The following AP2B1 variants were observed in gnomAD, a reference collection of about 807,000 sequenced individuals.
AP2B1 encodes AP-2 complex subunit beta.
In AP2B1, 23 loss-of-function variants were observed where a neutral mutation model predicts 102.0. The ratio of observed to expected loss-of-function variants is 0.23; its 90% CI spans 0.16 to 0.32. The LOEUF is 0.32. Ranked by LOEUF, AP2B1 falls within the 10% of genes least tolerant of loss-of-function variation. The pLI is 1.00. For synonymous variants in AP2B1, 381 were observed against 421.2 expected (o/e 0.90, Z 1.17); for missense variants, 541 against 1,157.4 (o/e 0.47, Z 7.73).
chr17:35,686,739 C>T (rs934384996), intron 18 of AP2B1, among the ~76,000 whole-genome samples: 2 of 151,948 alleles, frequency 1.3e-5, no homozygotes, highest in African/African-American at 2.4e-5. Flanking sequence ...CTGAGGTGGG[C>T]GGATCACGAG....
At chr17:35,650,955 A>T in intron 13 of AP2B1, 166 bp downstream of exon 13, 4 of 703,156 alleles carry the variant, frequency 5.7e-6, no homozygotes, top group Non-Finnish European at 9.3e-6. Flanking sequence ...ACCTACTACT[A>T]TACAACCCCA....
chr17:35,593,611 G>A (rs2073171219), intron 1 of AP2B1, among the ~76,000 whole-genome samples: 1 of 151,960 alleles, frequency 6.6e-6, no homozygotes, highest in South Asian at 2.1e-4. Context: ...ACCTTACACT[G>A]CTTCAGAATA....
At chr17:35,614,062 C>G (rs1034415872) in intron 5 of AP2B1, among the ~76,000 whole-genome samples, 18 of 152,044 alleles carry the variant, frequency 1.2e-4, no homozygotes, top group African/African-American at 4.1e-4. Flanking sequence ...CTATGGTTTT[C>G]TTTTTTGCTC....
intron 12 of AP2B1, among the ~76,000 whole-genome samples, chr17:35,645,255 G>C (rs1032721343): frequency 2.0e-5 from 3 of 152,158 alleles, no homozygotes; most frequent in Non-Finnish European, 4.4e-5. Context: ...ATTGGGTAGT[G>C]AGGTTCTGAT....
At chr17:35,591,632 T>A (rs2073104704) in intron 1 of AP2B1, among the ~76,000 whole-genome samples, 1 of 152,184 alleles carries the variant, frequency 6.6e-6, no homozygotes, top group Non-Finnish European at 1.5e-5. Flanking sequence ...GCTATAGTCC[T>A]TCTTTGAGGC....
At chr17:35,710,130 A>G in intron 19 of AP2B1, 104 bp from the exon 20 acceptor site, 1 of 782,668 alleles carries the variant, frequency 1.3e-6, no homozygotes, top group Non-Finnish European at 2.2e-6. Flanking sequence ...TGCTAGCTGT[A>G]TTGCAAGAGC....
chr17:35,684,097 G>A (rs587722222), intron 18 of AP2B1, among the ~76,000 whole-genome samples: 1 of 152,242 alleles, frequency 6.6e-6, no homozygotes, highest in South Asian at 2.1e-4. Context: ...CAAATACAAA[G>A]CAGCCCTTTA....
intron 6 of AP2B1, among the ~76,000 whole-genome samples, chr17:35,624,933 G>A (rs968071505): frequency 1.3e-5 from 2 of 152,054 alleles, no homozygotes; most frequent in Non-Finnish European, 2.9e-5. Context: ...TATAGAAAGT[G>A]GCTTCATATT....
At chr17:35,665,473 A>T (rs1224199547) in intron 14 of AP2B1, among the ~76,000 whole-genome samples, 2 of 152,174 alleles carry the variant, frequency 1.3e-5, no homozygotes. Context: ...CCTAGTAGCT[A>T]AAAACCATAC....
At chr17:35,723,414 T>TATTC (rs1249272809) in intron 21 of AP2B1, among the ~76,000 whole-genome samples, 4 of 152,254 alleles carry the variant, frequency 2.6e-5, no homozygotes, top group Admixed American at 6.5e-5. Flanking sequence ...CCACATGGAA[T>TATTC]GGAGGTAGAA....
intron 5 of AP2B1, chr17:35,621,435 G>A: frequency 2.6e-6 from 2 of 765,618 alleles, no homozygotes; most frequent in Non-Finnish European, 3.2e-6. Flanking sequence ...AAAGTGTAGA[G>A]ATAGGATGGA....
At chr17:35,622,855 A>T (rs1402103035) in intron 5 of AP2B1, among the ~76,000 whole-genome samples, 4 of 151,972 alleles carry the variant, frequency 2.6e-5, no homozygotes, top group Admixed American at 2.6e-4. Flanking sequence ...TAGTAGAGAC[A>T]GGGTTTCACC....
At chr17:35,615,775 T>C (rs934527482) in intron 5 of AP2B1, among the ~76,000 whole-genome samples, 2 of 152,218 alleles carry the variant, frequency 1.3e-5, no homozygotes, top group African/African-American at 4.8e-5. Context: ...TTTAGGCACA[T>C]ATGATAATGT....
chr17:35,663,917 G>A (rs2075408088), intron 14 of AP2B1, among the ~76,000 whole-genome samples: 1 of 152,206 alleles, frequency 6.6e-6, no homozygotes, highest in Non-Finnish European at 1.5e-5. Flanking sequence ...CTTGCAGCAA[G>A]AGGAACAGAT....
At chr17:35,706,817 A>AT (rs2076349493) in intron 18 of AP2B1, among the ~76,000 whole-genome samples, 1 of 151,370 alleles carries the variant, frequency 6.6e-6, no homozygotes, top group Admixed American at 6.6e-5. Context: ...ATATATATAT[A>AT]TTTTTTTGTA....
chr17:35,663,132 C>A (rs1356889958), intron 14 of AP2B1, among the ~76,000 whole-genome samples: 1 of 151,988 alleles, frequency 6.6e-6, no homozygotes, highest in Non-Finnish European at 1.5e-5. Flanking sequence ...ATTTTTCTTC[C>A]TTTGGAGGAG....
chr17:35,696,743 G>A (rs2523114), intron 18 of AP2B1, among the ~76,000 whole-genome samples: 132,134 of 152,122 alleles, frequency 0.87, 57,770 homozygotes, highest in East Asian at 0.97. Flanking sequence ...AGTACTACCA[G>A]TCTCCCTTAT....
At position 35,723,713 on chromosome 17, in the gene AP2B1, G is replaced by A. The variant is rs1555594057; in HGVS notation, c.*14G>A. ...TTGAAAAACTAACAAGACTGGTCCAGTACCCTTCAACCATGCTGTGATCGG... is the reference window on the plus strand; with the variant it reads ...TTGAAAAACTAACAAGACTGGTCCAATACCCTTCAACCATGCTGTGATCGG... On this transcript the variant is annotated 3_prime_UTR_variant, in exon 22 of 22. Coordinates refer to ENST00000610402, the MANE Select transcript of AP2B1 (RefSeq NM_001030006.2). The A allele has an allele frequency of 2.5e-6, 4 of 1,569,830 alleles. No individual in the cohort carries two copies. Among genetic ancestry groups the A allele is most frequent in the Non-Finnish European group, 3.5e-6 (4 of 1,139,890 alleles).
At position 35,672,005 on chromosome 17, in the gene AP2B1, G is replaced by A. The variant is rs2075599730; in HGVS notation, c.2178+105G>A. ...CTACTGGTAATAAATCAAAGGTTTG[G>A]GCCCTTGTTCTGGAGGACTTAGAGG... On this transcript the variant is annotated intron_variant, in intron 16 of 21. Coordinates refer to ENST00000610402, the MANE Select transcript of AP2B1 (RefSeq NM_001030006.2). The A allele has an allele frequency of 2.2e-6, 3 of 1,360,294 alleles. No homozygotes were observed. The Admixed American group carries it at 6.3e-5, about 29-fold the overall frequency. The allele number at this position is 1,360,294 out of a possible 1,614,324, so 84.3% of individuals were successfully genotyped here.
Sources: gnomAD v4.1 joint callset for allele counts (sites outside exome capture counted in the v4.1 genomes callset) on GRCh38, gnomAD v4.1.1 for gene constraint, MANE v1.5 for transcripts, NCBI Gene and HGNC (gene_info 2026-07-23, HGNC 2026-07-21) for gene names.